UBASH3B: variants seen among roughly 807,000 people sequenced by gnomAD.
UBASH3B encodes the protein ubiquitin associated and SH3 domain containing B, also known as ubiquitin-associated and SH3 domain-containing protein B.
UBASH3B carries 37 observed loss-of-function variants against 83.4 expected under a neutral mutation model. The ratio of observed to expected loss-of-function variants is 0.44; its 90% CI spans 0.34 to 0.58. UBASH3B has a LOEUF of 0.58. Ranked by LOEUF, UBASH3B falls within the 20% of genes least tolerant of loss-of-function variation. UBASH3B has a pLI of 0.01. For synonymous variants in UBASH3B, 304 were observed against 318.3 expected (o/e 0.96, Z 0.48); for missense variants, 657 against 827.2 (o/e 0.79, Z 2.52).
chr11:122,696,718 C>T (rs923946269), intron 1 of UBASH3B, among the ~76,000 whole-genome samples: 6 of 152,174 alleles, frequency 3.9e-5, no homozygotes, highest in South Asian at 2.1e-4. Context: ...TGTTTAGTAC[C>T]GCAGCCACAT....
chr11:122,749,132 G>A (rs369228448), intron 1 of UBASH3B, among the ~76,000 whole-genome samples: 4 of 152,222 alleles, frequency 2.6e-5, no homozygotes, highest in Non-Finnish European at 2.9e-5. Context: ...CACATCGAAA[G>A]TACTCAGATC....
intron 1 of UBASH3B, among the ~76,000 whole-genome samples, chr11:122,767,335 G>GTT (rs143545395): frequency 6.6e-6 from 1 of 151,152 alleles, no homozygotes; most frequent in Non-Finnish European, 1.5e-5. Context: ...TTGAGATGGA[G>GTT]TCTCTCTCTC....
intron 1 of UBASH3B, among the ~76,000 whole-genome samples, chr11:122,708,292 T>TA (rs1591779318): frequency 8.5e-5 from 1 of 11,744 alleles, no homozygotes; most frequent in East Asian, 3.6e-3. Flanking sequence ...TTTGCTTGGC[T>TA]TTTTTTTTTT....
At chr11:122,715,097 T>C (rs973515317) in intron 1 of UBASH3B, among the ~76,000 whole-genome samples, 21 of 152,160 alleles carry the variant, frequency 1.4e-4, no homozygotes, top group Non-Finnish European at 2.4e-4. Context: ...AGGCGCCCAC[T>C]ACCACACCCG....
chr11:122,710,902 A>T (rs968089486), intron 1 of UBASH3B, among the ~76,000 whole-genome samples: 1 of 152,192 alleles, frequency 6.6e-6, no homozygotes, highest in Non-Finnish European at 1.5e-5. Flanking sequence ...GGGAACATAA[A>T]GGCATATACC....
intron 1 of UBASH3B, among the ~76,000 whole-genome samples, chr11:122,750,933 A>G (rs1370372435): frequency 6.6e-6 from 1 of 152,214 alleles, no homozygotes; most frequent in Non-Finnish European, 1.5e-5. Context: ...ACAGAAACTC[A>G]TTTTATTATC....
intron 1 of UBASH3B, among the ~76,000 whole-genome samples, chr11:122,664,918 C>CT (rs1404878890): frequency 1.3e-5 from 2 of 152,046 alleles, no homozygotes; most frequent in Non-Finnish European, 1.5e-5. Context: ...GCAGGCCTGC[C>CT]TTTTTTTTGA....
At chr11:122,668,744 C>T (rs1306234493) in intron 1 of UBASH3B, among the ~76,000 whole-genome samples, 1 of 152,178 alleles carries the variant, frequency 6.6e-6, no homozygotes, top group Non-Finnish European at 1.5e-5. Context: ...ATAAAAACCA[C>T]AAAAAGTCAT....
intron 1 of UBASH3B, among the ~76,000 whole-genome samples, chr11:122,665,517 C>T (rs751826499): frequency 3.9e-5 from 6 of 152,104 alleles, no homozygotes; most frequent in Non-Finnish European, 8.8e-5. Context: ...TTGGACAGCA[C>T]GAGGATGCTC....
At chr11:122,679,517 C>T (rs1054459760) in intron 1 of UBASH3B, among the ~76,000 whole-genome samples, 4 of 152,194 alleles carry the variant, frequency 2.6e-5, no homozygotes, top group Non-Finnish European at 4.4e-5. Flanking sequence ...AAACCCACTA[C>T]GTTAGAATCT....
chr11:122,660,280 G>T (rs1414068824), intron 1 of UBASH3B, among the ~76,000 whole-genome samples: 1 of 152,168 alleles, frequency 6.6e-6, no homozygotes, highest in Non-Finnish European at 1.5e-5. Flanking sequence ...GTGTGTGTGC[G>T]TGTGCGCTCG....
intron 1 of UBASH3B, among the ~76,000 whole-genome samples, chr11:122,700,845 G>A (rs1384876219): frequency 6.6e-6 from 1 of 152,166 alleles, no homozygotes; most frequent in African/African-American, 2.4e-5. Flanking sequence ...TGTAGAGGAA[G>A]TGTGTTTCTG....
At chr11:122,666,746 G>C (rs556138154) in intron 1 of UBASH3B, among the ~76,000 whole-genome samples, 15 of 152,062 alleles carry the variant, frequency 9.9e-5, no homozygotes, top group Non-Finnish European at 2.2e-4. Flanking sequence ...ACTTTTCCTT[G>C]AATTGCCTGA....
chr11:122,662,829 A>AT (rs1863463652), intron 1 of UBASH3B, among the ~76,000 whole-genome samples: 1 of 151,980 alleles, frequency 6.6e-6, no homozygotes, highest in Admixed American at 6.6e-5. Context: ...CCTTCAGCAT[A>AT]TTTTTTAGAC....
At chr11:122,796,703 G>A (rs1013548076) in intron 8 of UBASH3B, among the ~76,000 whole-genome samples, 1 of 152,162 alleles carries the variant, frequency 6.6e-6, no homozygotes, top group Non-Finnish European at 1.5e-5. Context: ...ACTACCTCAT[G>A]TCACTTTTGT....
At chr11:122,734,819 A>G (rs12161759) in intron 1 of UBASH3B, among the ~76,000 whole-genome samples, 46,465 of 149,618 alleles carry the variant, frequency 0.31, 8,726 homozygotes, top group Middle Eastern at 0.48. Context: ...AAAGAAAAAG[A>G]AAAAGAAAAA....
rs117526054 is a variant in UBASH3B, at chr11:122,742,161, T to G, written c.162-34058T>G. Among the ~76,000 whole-genome samples, 66 of 152,340 alleles carry G rather than the reference T, an allele frequency of 4.3e-4. No individual in the cohort carries two copies. In the East Asian group the frequency reaches 8.5e-3, roughly 20 times the overall value. On this transcript the variant is annotated intron_variant, in intron 1 of 13. Coordinates refer to ENST00000284273, the MANE Select transcript of UBASH3B (RefSeq NM_032873.5). ...CACTTGTCAGTCAGCGAGACTGCCT[T>G]GGTCTTAACCTCTGACCTCAGGGAT...
intron 1 of UBASH3B, among the ~76,000 whole-genome samples, chr11:122,731,621 A>T (rs1322788096): frequency 1.3e-5 from 2 of 152,176 alleles, no homozygotes; most frequent in African/African-American, 4.8e-5. Context: ...AGACAAAGGG[A>T]TGATTCATGT....
chr11:122,798,840 A>C lies in UBASH3B; in HGVS notation c.1358-102A>C. ...TCTATGTGAGCCCCAGTTAGGAAAG[A>C]GGGGTTTACAGGAGCTTACTGCTTG... On this transcript the variant is annotated intron_variant, in intron 9 of 13. Transcript: ENST00000284273. 13 of 793,982 alleles carry C rather than the reference A, an allele frequency of 1.6e-5. 1 individual carries two copies. The South Asian group carries it at 2.2e-4, about 14-fold the overall frequency. 49.2% of individuals were successfully genotyped at this position (793,982 alleles called of 1,614,324 possible). A position where few individuals can be genotyped will look rare whatever the true frequency, so the allele number is the denominator to read the frequency against.
Sources: gnomAD v4.1 joint callset for allele counts (sites outside exome capture counted in the v4.1 genomes callset) on GRCh38, gnomAD v4.1.1 for gene constraint, MANE v1.5 for transcripts, NCBI Gene and HGNC (gene_info 2026-07-23, HGNC 2026-07-21) for gene names.